Variants in CLIC5 observed in about 807,000 individuals in gnomAD.
CLIC5 encodes the protein CLIC family member 5, also known as chloride intracellular channel protein 5.
In CLIC5, 20 loss-of-function variants were observed where a neutral mutation model predicts 24.7. That is an observed-to-expected ratio of 0.81 (90% CI 0.57 to 1.18). The LOEUF (loss-of-function observed/expected upper bound fraction) is 1.18. Ranked by LOEUF, CLIC5 falls within the 50% of genes most tolerant of loss-of-function variation. CLIC5 has a pLI of 0.00. For missense variants in CLIC5, 341 were observed against 326.1 expected, an observed-to-expected ratio of 1.05 and a Z score of -0.35; for synonymous variants, 159 against 135.6, an observed-to-expected ratio of 1.17 and a Z score of -1.20.
rs558889796 is a variant in CLIC5, at chr6:46,027,629, G to T, written c.540+52074C>A. Among the ~76,000 whole-genome samples, 3 of 152,162 alleles carry T rather than the reference G, an allele frequency of 2.0e-5. No individual in the cohort carries two copies. In the South Asian group the frequency reaches 6.2e-4, roughly 32 times the overall value. ...TTGCAGAAACTTACTTAGAAGAAACGATTTTTGTATTTCTCTGTAATTATT... is the reference window on the plus strand; with the variant it reads ...TTGCAGAAACTTACTTAGAAGAAACTATTTTTGTATTTCTCTGTAATTATT... On this transcript the variant is annotated intron_variant, in intron 1 of 5. Coordinates refer to the CLIC5 transcript ENST00000185206.
intron 6 of CLIC5, among the ~76,000 whole-genome samples, chr6:45,881,863 G>A (rs1332584137): frequency 6.6e-6 from 1 of 152,106 alleles, no homozygotes; most frequent in Non-Finnish European, 1.5e-5. Flanking sequence ...TGACCACCAA[G>A]GGCATGGGTC....
At chr6:46,060,988 T>C (rs1351928335) in intron 1 of CLIC5, among the ~76,000 whole-genome samples, 1 of 152,178 alleles carries the variant, frequency 6.6e-6, no homozygotes, top group Non-Finnish European at 1.5e-5. Context: ...ATCTGCACAT[T>C]AGGTACAGAG....
At chr6:45,956,692 G>A (rs1185792616) in intron 1 of CLIC5, among the ~76,000 whole-genome samples, 1 of 152,122 alleles carries the variant, frequency 6.6e-6, no homozygotes, top group African/African-American at 2.4e-5. Flanking sequence ...ACTTTTGACA[G>A]TGTTGGCTGC....
chr6:45,969,930 A>G (rs902255719), intron 1 of CLIC5, among the ~76,000 whole-genome samples: 2 of 150,954 alleles, frequency 1.3e-5, no homozygotes, highest in African/African-American at 4.9e-5. Flanking sequence ...TTTTCTCACT[A>G]TGTTCCTTCT....
chr6:45,899,094 A>C lies in CLIC5; in HGVS notation c.*3994T>G, dbSNP rs1435472438. 6.6e-6 allele frequency: 1 copy of C among 152,210 alleles called. No individual in the cohort carries two copies. Among genetic ancestry groups the C allele is most frequent in the Non-Finnish European group, 1.5e-5 (1 of 68,034 alleles). The allele number at this position is 152,210 out of a possible 1,614,324, so 9.4% of individuals were successfully genotyped here. ...TAAGCTGGGAGATGCATACTGACAAAGGGGAAGAATGTGTGTTGATGAGGA... is the reference window on the plus strand; with the variant it reads ...TAAGCTGGGAGATGCATACTGACAACGGGGAAGAATGTGTGTTGATGAGGA... On this transcript the variant is annotated 3_prime_UTR_variant, in exon 6 of 6. Transcript: ENST00000339561.
In CLIC5 at chr6:46,065,320, C is replaced by A. The variant is rs1581913951; in HGVS notation, c.540+14383G>T. ...GCTAGAAATCTCATACAAATTTTGA[C>A]AGCCACTTTGAAAACAATTTTCAAG... is the stretch of plus-strand genomic sequence containing the variant. On this transcript the variant is annotated intron_variant, in intron 1 of 5. Transcript: ENST00000185206. Among the ~76,000 whole-genome samples the A allele has an allele frequency of 4.0e-5, 6 of 148,850 alleles. No individual in the cohort carries two copies. In the Admixed American group the frequency reaches 4.0e-4, roughly 10 times the overall value.
intron 1 of CLIC5, among the ~76,000 whole-genome samples, chr6:46,001,232 A>G (rs547413526): frequency 1.3e-5 from 2 of 152,220 alleles, no homozygotes; most frequent in East Asian, 1.9e-4. Flanking sequence ...GTAGGTGGGT[A>G]CCAAGAGAAG....
At chr6:46,014,030 A>T (rs6930056) in intron 1 of CLIC5, among the ~76,000 whole-genome samples, 105,852 of 151,046 alleles carry the variant, frequency 0.7, 37,332 homozygotes, top group Non-Finnish European at 0.73. Flanking sequence ...CTGGAAATCC[A>T]GCCTGGGGTG....
At chr6:45,950,219 T>C (rs1764422740) in intron 2 of CLIC5, among the ~76,000 whole-genome samples, 2 of 152,184 alleles carry the variant, frequency 1.3e-5, no homozygotes, top group Non-Finnish European at 2.9e-5. Flanking sequence ...GCCTGGCATA[T>C]AGGAGGCCCT....
the CLIC5 span, among the ~76,000 whole-genome samples, chr6:46,127,551 T>G: frequency 6.6e-6 from 1 of 152,234 alleles, no homozygotes; most frequent in Non-Finnish European, 1.5e-5. Flanking sequence ...ACAACACTTA[T>G]GCCTAAAAAT....
At chr6:45,913,271 A>G (rs762323690) in intron 5 of CLIC5, among the ~76,000 whole-genome samples, 8 of 152,194 alleles carry the variant, frequency 5.3e-5, no homozygotes, top group Non-Finnish European at 1.2e-4. Flanking sequence ...AGAGCACAGT[A>G]TGGCTATCTG....
intron 1 of CLIC5, among the ~76,000 whole-genome samples, chr6:45,959,338 TAATA>T (rs1305737255): frequency 1.3e-5 from 2 of 152,232 alleles, no homozygotes; most frequent in African/African-American, 4.8e-5. Flanking sequence ...AAAAATGCTA[TAATA>T]AATGTGTCTA....
intron 1 of CLIC5, among the ~76,000 whole-genome samples, chr6:46,045,652 A>G (rs890530468): frequency 1.3e-5 from 2 of 152,224 alleles, no homozygotes; most frequent in African/African-American, 4.8e-5. Context: ...AGAAAGCAGT[A>G]AGCCAGAGAG....
chr6:46,074,650 G>A (rs564687476), intron 1 of CLIC5, among the ~76,000 whole-genome samples: 12 of 152,232 alleles, frequency 7.9e-5, no homozygotes, highest in South Asian at 2.1e-4. Flanking sequence ...CAGGCTTCAC[G>A]TGAGCTGAGT....
chr6:45,985,667 G>A (rs562983834), intron 1 of CLIC5, among the ~76,000 whole-genome samples: 1 of 152,214 alleles, frequency 6.6e-6, no homozygotes, highest in African/African-American at 2.4e-5. Context: ...TGCACGCGAA[G>A]TTGGGTATTT....
upstream of CLIC5, among the ~76,000 whole-genome samples, chr6:46,020,614 A>G (rs1767148766): frequency 6.6e-6 from 1 of 152,006 alleles, no homozygotes; most frequent in Non-Finnish European, 1.5e-5. Context: ...AAATAAAACA[A>G]TAGAGAAAAT....
chr6:45,997,208 C>T (rs1387725562), intron 1 of CLIC5, among the ~76,000 whole-genome samples: 1 of 150,874 alleles, frequency 6.6e-6, no homozygotes, highest in Non-Finnish European at 1.5e-5. Context: ...TTTGTAGGGA[C>T]ATGGATGAAA....
chr6:46,072,574 G>GA lies in CLIC5; in HGVS notation c.540+7128dup, dbSNP rs1263456550. On this transcript the variant is annotated intron_variant, in intron 1 of 5. Coordinates refer to the CLIC5 transcript ENST00000185206. ...GGGAAAAATTGCAAAACATTCTTTA[G>GA]AAAAAAATATGGGCCCTAATTTGGG... is the stretch of plus-strand genomic sequence containing the variant. Among the ~76,000 whole-genome samples the GA allele has an allele frequency of 2.0e-5, 3 of 152,138 alleles. No homozygotes were observed. The South Asian group carries it at 6.2e-4, about 32-fold the overall frequency.
At chr6:46,036,302 A>G (rs1767655852) in intron 1 of CLIC5, among the ~76,000 whole-genome samples, 1 of 141,958 alleles carries the variant, frequency 7.0e-6, no homozygotes, top group African/African-American at 2.6e-5. Flanking sequence ...CTAGACTGCA[A>G]GGTCTTTTTT....
Sources: gnomAD v4.1 joint callset for allele counts (sites outside exome capture counted in the v4.1 genomes callset) on GRCh38, gnomAD v4.1.1 for gene constraint, MANE v1.5 for transcripts, NCBI Gene and HGNC (gene_info 2026-07-23, HGNC 2026-07-21) for gene names.